The following ADARB2 variants were observed in gnomAD, a reference collection of about 807,000 sequenced individuals.
ADARB2 encodes adenosine deaminase RNA specific B2 (inactive).
Under a neutral mutation model 62.2 loss-of-function variants are expected in ADARB2, and 25 were observed. That is an observed-to-expected ratio of 0.40 (90% CI 0.29 to 0.56). The LOEUF (loss-of-function observed/expected upper bound fraction) is 0.56. Ranked by LOEUF, ADARB2 falls within the 20% of genes least tolerant of loss-of-function variation. The pLI is 0.43. For missense variants in ADARB2, 1,071 were observed against 1,077.4 expected, an observed-to-expected ratio of 0.99 and a Z score of 0.08; for synonymous variants, 572 against 500.8, an observed-to-expected ratio of 1.14 and a Z score of -1.90.
chr10:1,328,744 A>C (rs1471692800), intron 3 of ADARB2, among the ~76,000 whole-genome samples: 1 of 152,220 alleles, frequency 6.6e-6, no homozygotes, highest in Non-Finnish European at 1.5e-5. Flanking sequence ...TAACCCCAGC[A>C]CTTTGAGATG....
At chr10:1,677,368 C>T (rs1834478977) in intron 1 of ADARB2, among the ~76,000 whole-genome samples, 1 of 152,178 alleles carries the variant, frequency 6.6e-6, no homozygotes, top group Admixed American at 6.5e-5. Context: ...AGGGAGCCTC[C>T]CCTAAATGAT....
Position 1,375,831 on chromosome 10 carries a change from G to A in ADARB2, c.187+3243C>T, listed in dbSNP as rs534352174. Among the ~76,000 whole-genome samples the A allele has an allele frequency of 3.0e-3, 356 of 118,390 alleles. 1 individual carries two copies. The highest frequency in any genetic ancestry group is 9.9e-3 in the African/African-American group (324 of 32,614). 77.7% of individuals were successfully genotyped at this position (118,390 alleles called of 152,430 possible). ...ACCACACACATGCACACACACACGT[G>A]CACACACCGCACACATGCACACACA... On this transcript the variant is annotated intron_variant, in intron 2 of 9. Transcript: ENST00000381312.
chr10:1,438,545 C>T (rs558511131), intron 1 of ADARB2, among the ~76,000 whole-genome samples: 935 of 138,706 alleles, frequency 6.7e-3, no homozygotes, highest in Middle Eastern at 0.027. Flanking sequence ...TGAGTCTCCT[C>T]AGCAGATGGA....
At chr10:1,644,480 G>A (rs1834012694) in intron 1 of ADARB2, among the ~76,000 whole-genome samples, 1 of 152,270 alleles carries the variant, frequency 6.6e-6, no homozygotes, top group Non-Finnish European at 1.5e-5. Flanking sequence ...AAGGACAAAG[G>A]AGAGGGGAAT....
At chr10:1,692,518 T>C (rs561099198) in intron 1 of ADARB2, among the ~76,000 whole-genome samples, 3 of 152,272 alleles carry the variant, frequency 2.0e-5, no homozygotes, top group African/African-American at 7.2e-5. Context: ...GCTCAAGGCA[T>C]AGAATGTTAG....
At chr10:1,352,707 T>C (rs989829429) in intron 3 of ADARB2, among the ~76,000 whole-genome samples, 5 of 152,200 alleles carry the variant, frequency 3.3e-5, no homozygotes, top group African/African-American at 4.8e-5. Context: ...CTGACGCATA[T>C]ACTTTCTGCT....
intron 1 of ADARB2, among the ~76,000 whole-genome samples, chr10:1,414,438 G>A (rs1832785100): frequency 6.6e-6 from 1 of 152,150 alleles, no homozygotes; most frequent in Non-Finnish European, 1.5e-5. Context: ...TAGAATCCAG[G>A]GCTCGTGGCT....
chr10:1,456,840 GC>G (rs775103381), intron 1 of ADARB2, among the ~76,000 whole-genome samples: 2 of 152,210 alleles, frequency 1.3e-5, no homozygotes, highest in East Asian at 3.9e-4. Context: ...TGTTGCTGGG[GC>G]TGGAGCGCAA....
At chr10:1,265,968 C>T (rs1463587740) in intron 4 of ADARB2, among the ~76,000 whole-genome samples, 3 of 132,906 alleles carry the variant, frequency 2.3e-5, no homozygotes. Context: ...CCAGACTCTC[C>T]CGGAAGACGG....
At chr10:1,377,453 T>A (rs1422708966) in intron 2 of ADARB2, among the ~76,000 whole-genome samples, 1 of 133,334 alleles carries the variant, frequency 7.5e-6, no homozygotes, top group Non-Finnish European at 1.6e-5. Context: ...GGTGTGCATA[T>A]GTGTGTGTGT....
chr10:1,716,570 G>A (rs772245322), intron 1 of ADARB2, among the ~76,000 whole-genome samples: 1 of 152,134 alleles, frequency 6.6e-6, no homozygotes, highest in Non-Finnish European at 1.5e-5. Flanking sequence ...GATAAGTTTA[G>A]AAAACATGGC....
At chr10:1,284,297 T>C (rs1831393929) in intron 3 of ADARB2, among the ~76,000 whole-genome samples, 1 of 152,030 alleles carries the variant, frequency 6.6e-6, no homozygotes, top group Non-Finnish European at 1.5e-5. Context: ...CATGTCTTGG[T>C]GAGGACAGTG....
In ADARB2 at chr10:1,544,220, C is replaced by G. The variant is rs568978551; in HGVS notation, c.101-165060G>C. 2.0e-5 allele frequency among the ~76,000 whole-genome samples: 3 copies of G among 152,278 alleles called. No individual in the cohort carries two copies. The South Asian group carries it at 6.2e-4, about 32-fold the overall frequency. On this transcript the variant is annotated intron_variant, in intron 1 of 9. Transcript: ENST00000381312. ...GGGTCTGGGAGGGCAGTGGGATGAG[C>G]CTGGCCTGGGGCAGGTGGCACCAGG... is the stretch of plus-strand genomic sequence containing the variant.
At chr10:1,499,948 C>T (rs1831743816) in intron 1 of ADARB2, among the ~76,000 whole-genome samples, 1 of 152,210 alleles carries the variant, frequency 6.6e-6, no homozygotes. Context: ...ATATAGGTAC[C>T]TCTCTGACTA....
intron 3 of ADARB2, among the ~76,000 whole-genome samples, chr10:1,289,552 A>G (rs1831445536): frequency 6.6e-6 from 1 of 152,224 alleles, no homozygotes; most frequent in East Asian, 1.9e-4. Context: ...GCTGGGTGGG[A>G]CAGACCAGGG....
At chr10:1,652,102 C>T (rs1291088671) in intron 1 of ADARB2, among the ~76,000 whole-genome samples, 1 of 152,188 alleles carries the variant, frequency 6.6e-6, no homozygotes, top group Non-Finnish European at 1.5e-5. Flanking sequence ...CTCTGATTGG[C>T]CATCCAATAT....
chr10:1,650,651 C>T (rs962042998), intron 1 of ADARB2, among the ~76,000 whole-genome samples: 2 of 152,172 alleles, frequency 1.3e-5, no homozygotes, highest in Non-Finnish European at 1.5e-5. Context: ...TTAAATTAAA[C>T]GGGCACATGA....
chr10:1,303,485 C>T (rs899259780), intron 3 of ADARB2, among the ~76,000 whole-genome samples: 7 of 152,188 alleles, frequency 4.6e-5, no homozygotes, highest in African/African-American at 1.7e-4. Flanking sequence ...TTTCCCCAAT[C>T]TAGCAAGGCA....
At chr10:1,343,268 CA>C (rs1236128288) in intron 3 of ADARB2, among the ~76,000 whole-genome samples, 1 of 152,144 alleles carries the variant, frequency 6.6e-6, no homozygotes, top group Non-Finnish European at 1.5e-5. Context: ...AAAAAAAGCT[CA>C]ACATCACTGA....
Sources: allele counts gnomAD v4.1 joint callset (sites outside exome capture counted in the v4.1 genomes callset), GRCh38; gene constraint gnomAD v4.1.1; transcripts MANE v1.5; gene names NCBI Gene and HGNC (gene_info 2026-07-23, HGNC 2026-07-21).